Variants in DLG2 observed in about 807,000 individuals in gnomAD.
DLG2 encodes the protein discs large MAGUK scaffold protein 2.
In DLG2, 45 loss-of-function variants were observed where a neutral mutation model predicts 132.5. That is an observed-to-expected ratio of 0.34 (90% CI 0.27 to 0.44). The LOEUF (loss-of-function observed/expected upper bound fraction) is 0.44, where lower values mean the gene tolerates loss of function less well. Ranked by LOEUF, DLG2 falls within the 20% of genes least tolerant of loss-of-function variation. The pLI is 1.00. For synonymous variants in DLG2, 424 were observed against 419.6 expected, an observed-to-expected ratio of 1.01 and a Z score of -0.13; for missense variants, 1,045 against 1,196.9, an observed-to-expected ratio of 0.87 and a Z score of 1.87.
intron 3 of DLG2, among the ~76,000 whole-genome samples, chr11:85,343,625 C>G (rs759194735): frequency 2.6e-5 from 4 of 152,102 alleles, no homozygotes. Flanking sequence ...CGTTCTCTCT[C>G]TCTCTCTCAC....
At chr11:83,691,360 T>C (rs888278692) in intron 18 of DLG2, among the ~76,000 whole-genome samples, 3 of 152,168 alleles carry the variant, frequency 2.0e-5, no homozygotes, top group Non-Finnish European at 2.9e-5. Context: ...AATATATTTA[T>C]GGCTAAGGAC....
chr11:83,831,556 A>G (rs1055858396), intron 17 of DLG2, among the ~76,000 whole-genome samples: 73 of 148,856 alleles, frequency 4.9e-4, no homozygotes, highest in African/African-American at 1.2e-3. Context: ...GAGAGAGAGA[A>G]AGAGAGAGAG....
chr11:84,771,891 G>C (rs1270348284), intron 6 of DLG2, among the ~76,000 whole-genome samples: 1 of 152,012 alleles, frequency 6.6e-6, no homozygotes, highest in Non-Finnish European at 1.5e-5. Flanking sequence ...AAAAATCAAT[G>C]TACAAAAAGC....
At chr11:83,465,217 T>G (rs527892192) in intron 26 of DLG2, among the ~76,000 whole-genome samples, 1 of 152,316 alleles carries the variant, frequency 6.6e-6, no homozygotes, top group South Asian at 2.1e-4. Flanking sequence ...CTTGTCCATT[T>G]TTTATATATG....
intron 6 of DLG2, among the ~76,000 whole-genome samples, chr11:84,654,764 A>G (rs2154547124): frequency 6.6e-6 from 1 of 152,274 alleles, no homozygotes. Flanking sequence ...TTGCTTCATC[A>G]CATTCATTCC....
At chr11:85,010,549 C>T (rs1364263661) in intron 6 of DLG2, among the ~76,000 whole-genome samples, 2 of 152,098 alleles carry the variant, frequency 1.3e-5, no homozygotes, top group Non-Finnish European at 2.9e-5. Context: ...GTAAAGATAG[C>T]TCTAAACTGT....
chr11:85,460,856 T>C (rs2092585382), intron 3 of DLG2, among the ~76,000 whole-genome samples: 2 of 152,218 alleles, frequency 1.3e-5, no homozygotes, highest in Non-Finnish European at 2.9e-5. Context: ...TGTATATTTG[T>C]GAGGTTTATG....
At chr11:84,146,878 C>A (rs1348376701) in intron 9 of DLG2, among the ~76,000 whole-genome samples, 4 of 151,990 alleles carry the variant, frequency 2.6e-5, no homozygotes, top group African/African-American at 7.2e-5. Context: ...TCTCTTTCTC[C>A]TTCTTTCCCT....
chr11:84,385,485 C>G (rs887901784), intron 7 of DLG2, among the ~76,000 whole-genome samples: 1 of 152,072 alleles, frequency 6.6e-6, no homozygotes, highest in African/African-American at 2.4e-5. Flanking sequence ...TTGAAACATA[C>G]TACAAGGTTA....
chr11:85,392,358 C>A (rs1305521386), intron 3 of DLG2, among the ~76,000 whole-genome samples: 1 of 151,724 alleles, frequency 6.6e-6, no homozygotes, highest in African/African-American at 2.4e-5. Flanking sequence ...AATGACCATA[C>A]TGCCAAAAGC....
At chr11:83,823,936 T>G (rs567647461) in intron 17 of DLG2, among the ~76,000 whole-genome samples, 1 of 152,266 alleles carries the variant, frequency 6.6e-6, no homozygotes, top group South Asian at 2.1e-4. Context: ...ATAAGTAAAC[T>G]GCCAAATTCA....
At chr11:84,932,989 C>T (rs1274369289) in intron 6 of DLG2, among the ~76,000 whole-genome samples, 8 of 152,102 alleles carry the variant, frequency 5.3e-5, no homozygotes, top group South Asian at 4.1e-4. Flanking sequence ...ACAGTGTAAA[C>T]GCATTCCTAT....
Position 84,983,134 on chromosome 11 carries a change from T to C in DLG2, c.357+128527A>G, listed in dbSNP as rs79038134. ...TACAGATCACGGATGGACAGAGCAG[T>C]GTGTGGAGGCTTGCATTGTGAACTT... On this transcript the variant is annotated intron_variant, in intron 6 of 27. Coordinates refer to ENST00000376104, the MANE Select transcript of DLG2 (RefSeq NM_001142699.3). Among the ~76,000 whole-genome samples the C allele has an allele frequency of 0.011, 1,653 of 152,234 alleles. 88 individuals are homozygous for C. In the East Asian group the frequency reaches 0.15, roughly 14 times the overall value.
rs941551547 is a variant in DLG2 at position 84,471,113 on chromosome 11, T to A, written c.519+63457A>T. 9.9e-5 allele frequency among the ~76,000 whole-genome samples: 15 copies of A among 151,598 alleles called. 1 individual carries two copies. The East Asian group carries it at 3.0e-3, about 30-fold the overall frequency. On this transcript the variant is annotated intron_variant, in intron 7 of 27. Coordinates refer to ENST00000376104, the MANE Select transcript of DLG2 (RefSeq NM_001142699.3). Reference sequence around the variant, plus strand: ...CTCTTCACTGAGGGCCAAGAACCCATCAGCTAGTAACATTCTGGCAACCCA... The same window carrying A: ...CTCTTCACTGAGGGCCAAGAACCCAACAGCTAGTAACATTCTGGCAACCCA...
chr11:83,952,861 A>C (rs2085817404), intron 14 of DLG2, among the ~76,000 whole-genome samples: 1 of 152,122 alleles, frequency 6.6e-6, no homozygotes, highest in Non-Finnish European at 1.5e-5. Flanking sequence ...TTTTTCTACA[A>C]ATATATATTA....
At chr11:84,241,094 C>T (rs2097219515) in intron 8 of DLG2, among the ~76,000 whole-genome samples, 2 of 152,176 alleles carry the variant, frequency 1.3e-5, no homozygotes, top group South Asian at 4.1e-4. Context: ...ACCTACTTTG[C>T]CTAGAAATGT....
chr11:84,226,832 A>G (rs1202386240), intron 8 of DLG2, among the ~76,000 whole-genome samples: 1 of 152,152 alleles, frequency 6.6e-6, no homozygotes, highest in Non-Finnish European at 1.5e-5. Flanking sequence ...TCACATCTGT[A>G]ATCCTAGCAC....
At chr11:84,133,105 C>A (rs1391576326) in intron 9 of DLG2, among the ~76,000 whole-genome samples, 1 of 152,006 alleles carries the variant, frequency 6.6e-6, no homozygotes, top group Non-Finnish European at 1.5e-5. Flanking sequence ...TCGAGGTTGG[C>A]ATGCTGTAGC....
intron 14 of DLG2, among the ~76,000 whole-genome samples, chr11:83,934,294 G>A (rs1429100306): frequency 1.3e-5 from 2 of 151,838 alleles, no homozygotes; most frequent in Admixed American, 6.6e-5. Context: ...CAAAACCTTG[G>A]GCCTCTATGT....
Sources: gnomAD v4.1 joint callset for allele counts (sites outside exome capture counted in the v4.1 genomes callset) on GRCh38, gnomAD v4.1.1 for gene constraint, MANE v1.5 for transcripts, NCBI Gene and HGNC (gene_info 2026-07-23, HGNC 2026-07-21) for gene names.